DHX8: variants seen among roughly 807,000 people sequenced by gnomAD.
DHX8 encodes DEAH-box helicase 8, also known as ATP-dependent RNA helicase DHX8.
A neutral mutation model predicts 140.7 loss-of-function variants in DHX8; 67 were observed. That is an observed-to-expected ratio of 0.48 (90% CI 0.39 to 0.58). The LOEUF is 0.58. Ranked by LOEUF, DHX8 falls within the 20% of genes least tolerant of loss-of-function variation. The probability of loss-of-function intolerance (pLI) is 0.00; values close to 1 mark genes in which losing one functional copy is unlikely to be tolerated. For synonymous variants in DHX8, 533 were observed against 553.2 expected, an observed-to-expected ratio of 0.96 and a Z score of 0.51; for missense variants, 887 against 1,550.7, an observed-to-expected ratio of 0.57 and a Z score of 7.19.
intron 1 of DHX8, among the ~76,000 whole-genome samples, chr17:43,487,387 C>T (rs1050603530): frequency 1.3e-5 from 2 of 152,064 alleles, no homozygotes; most frequent in African/African-American, 4.8e-5. Flanking sequence ...GTTATTTATT[C>T]ATTTACTTTT....
At chr17:43,536,077 C>T (rs149798226) in intron 2 of DHX8, among the ~76,000 whole-genome samples, 43 of 152,324 alleles carry the variant, frequency 2.8e-4, no homozygotes, top group African/African-American at 9.1e-4. Flanking sequence ...TGCCACTGCA[C>T]TCCAGCCTGG....
chr17:43,532,502 A>G (rs1158544802), intron 2 of DHX8, among the ~76,000 whole-genome samples: 4 of 152,202 alleles, frequency 2.6e-5, no homozygotes, highest in South Asian at 2.1e-4. Flanking sequence ...ATTTCAAAAA[A>G]AAAAAGAAAA....
chr17:43,532,162 G>T (rs1970972940), intron 2 of DHX8, among the ~76,000 whole-genome samples: 2 of 152,102 alleles, frequency 1.3e-5, no homozygotes, highest in Admixed American at 6.5e-5. Flanking sequence ...ATGCCCCGGG[G>T]GCCCCCCTTA....
At position 43,522,035 on chromosome 17, in the gene DHX8, C is replaced by T. The variant is rs73304582; in HGVS notation, c.3264-12C>T. ...GCTGAGTGGGCTCATATCTTTTGTC[C>T]TATCTTGATAGACACAAGCTGGATG... On this transcript the variant is annotated splice_polypyrimidine_tract_variant and intron_variant, in intron 21 of 22. Transcript: ENST00000262415. 2.8e-3 allele frequency: 4,495 copies of T among 1,612,998 alleles called. 110 individuals carry two copies. In the African/African-American group the frequency reaches 0.054, roughly 19 times the overall value.
At chr17:43,518,001 C>T (rs1970195546) in intron 18 of DHX8, 1 of 152,206 alleles carries the variant, frequency 6.6e-6, no homozygotes, top group Non-Finnish European at 1.5e-5. Flanking sequence ...CTACTCCAGT[C>T]TCTGAAGTGC....
At chr17:43,520,697 A>T in intron 19 of DHX8, 54 bp from the exon 20 acceptor site, 14 of 1,612,170 alleles carry the variant, frequency 8.7e-6, no homozygotes, top group Non-Finnish European at 1.2e-5. Flanking sequence ...GCTCTGGTGA[A>T]TCCAAATGTG....
At chr17:43,508,048 G>A (rs1485174312) in intron 15 of DHX8, 29 bp downstream of exon 15, 2 of 1,606,208 alleles carry the variant, frequency 1.2e-6, no homozygotes, top group Admixed American at 3.4e-5. Context: ...TTTCCTTTTT[G>A]GGAGGCCTAA....
intron 17 of DHX8, among the ~76,000 whole-genome samples, chr17:43,515,791 T>C (rs1970083574): frequency 6.6e-6 from 1 of 152,140 alleles, no homozygotes; most frequent in South Asian, 2.1e-4. Context: ...GTCCAGCCAC[T>C]GTGTGTGATT....
intron 16 of DHX8, among the ~76,000 whole-genome samples, chr17:43,511,576 G>C (rs888396207): frequency 2.0e-5 from 3 of 147,540 alleles, no homozygotes; most frequent in Admixed American, 6.9e-5. Context: ...TTCTGCCTCA[G>C]CCTCCTGAGT....
intron 3 of DHX8, among the ~76,000 whole-genome samples, chr17:43,543,095 C>T (rs1004394578): frequency 3.3e-5 from 5 of 151,964 alleles, no homozygotes; most frequent in African/African-American, 1.2e-4. Flanking sequence ...CAGCATCCCC[C>T]CCTCAGACCT....
intron 16 of DHX8, among the ~76,000 whole-genome samples, chr17:43,509,176 G>A (rs2154586677): frequency 6.6e-6 from 1 of 152,244 alleles, no homozygotes; most frequent in African/African-American, 2.4e-5. Flanking sequence ...ACTCATGCTT[G>A]GATACCCAGG....
intron 1 of DHX8, among the ~76,000 whole-genome samples, 198 bp downstream of exon 1, chr17:43,484,383 C>T (rs574010480): frequency 6.6e-6 from 1 of 152,214 alleles, no homozygotes; most frequent in African/African-American, 2.4e-5. Context: ...AGAAACTTTC[C>T]CAGAGCTGTC....
chr17:43,521,290 G>T, intron 20 of DHX8, 79 bp from the exon 21 acceptor site: 1 of 1,247,350 alleles, frequency 8.0e-7, no homozygotes, highest in Non-Finnish European at 1.1e-6. Context: ...ATAGGGTCTT[G>T]TAGGGCTCCC....
intron 3 of DHX8, among the ~76,000 whole-genome samples, chr17:43,539,446 A>G (rs988996600): frequency 5.3e-5 from 8 of 152,152 alleles, no homozygotes; most frequent in Non-Finnish European, 1.0e-4. Flanking sequence ...TCCCTGGCAC[A>G]TATTGCCACC....
chr17:43,529,279 G>T (rs1162688728), downstream of DHX8: 11 of 1,595,154 alleles, frequency 6.9e-6, no homozygotes, highest in African/African-American at 1.3e-5. Context: ...TACCTTGGCA[G>T]AGGAAAAAAT....
intron 11 of DHX8, 25 bp from the exon 12 acceptor site, chr17:43,504,619 C>A: frequency 6.3e-7 from 1 of 1,597,666 alleles, no homozygotes; most frequent in South Asian, 1.1e-5. Context: ...GAGGACAATA[C>A]TAAGTTGCCT....
At chr17:43,530,609 C>CGT (rs58803566), downstream of DHX8, among the ~76,000 whole-genome samples, 2 of 118,996 alleles carry the variant, frequency 1.7e-5, no homozygotes, top group Admixed American at 8.4e-5. Context: ...TGCACGCGCG[C>CGT]GTGTGTGTGT....
At chr17:43,491,129 T>C in intron 3 of DHX8, 36 bp from the exon 4 acceptor site, 4 of 1,055,842 alleles carry the variant, frequency 3.8e-6, no homozygotes, top group Non-Finnish European at 5.4e-6. Context: ...TATATATCTC[T>C]TTTTTTAACC....
At chr17:43,528,351 A>G (rs538818050), downstream of DHX8, 61 of 526,312 alleles carry the variant, frequency 1.2e-4, no homozygotes, top group East Asian at 7.2e-4. Flanking sequence ...TTCCTTCCCA[A>G]TGACTCCGGT....
Sources: allele counts gnomAD v4.1 joint callset (sites outside exome capture counted in the v4.1 genomes callset), GRCh38; gene constraint gnomAD v4.1.1; transcripts MANE v1.5; gene names NCBI Gene and HGNC (gene_info 2026-07-23, HGNC 2026-07-21).